Variants in DCP2 observed in about 807,000 individuals in gnomAD.
DCP2 encodes the protein m7GpppN-mRNA hydrolase.
In DCP2, 30 loss-of-function variants were observed where a neutral mutation model predicts 56.1. The ratio of observed to expected loss-of-function variants is 0.53; its 90% CI spans 0.40 to 0.73. DCP2 has a LOEUF of 0.73. DCP2 is among the 30% of genes least tolerant of loss of function. The pLI is 0.00. For synonymous variants in DCP2, 197 were observed against 163.3 expected (o/e 1.21, Z -1.57); for missense variants, 533 against 502.7 (o/e 1.06, Z -0.58).
intron 1 of DCP2, among the ~76,000 whole-genome samples, chr5:112,983,308 C>T (rs1158414517): frequency 6.6e-6 from 1 of 152,170 alleles, no homozygotes; most frequent in Non-Finnish European, 1.5e-5. Flanking sequence ...GGCAATATTA[C>T]GGTTGCCTCT....
intron 4 of DCP2, 54 bp downstream of exon 4, chr5:112,992,824 A>G: frequency 7.2e-7 from 1 of 1,397,772 alleles, no homozygotes; most frequent in Non-Finnish European, 9.6e-7. Context: ...GTCTGAATGT[A>G]TTTTTTTTAG....
intron 1 of DCP2, among the ~76,000 whole-genome samples, chr5:112,978,683 TAAAA>T (rs35646202): frequency 7.3e-6 from 1 of 136,654 alleles, no homozygotes; most frequent in Non-Finnish European, 1.6e-5. Context: ...TTGTCCCAAA[TAAAA>T]AAAAAAAAAG....
chr5:112,990,639 A>G (rs1410233494), intron 2 of DCP2, among the ~76,000 whole-genome samples: 1 of 151,994 alleles, frequency 6.6e-6, no homozygotes, highest in Non-Finnish European at 1.5e-5. Flanking sequence ...ACAGGGTCTT[A>G]CTATGTTGCC....
chr5:112,983,802 C>T (rs1430977272), intron 1 of DCP2, among the ~76,000 whole-genome samples: 1 of 152,108 alleles, frequency 6.6e-6, no homozygotes, highest in African/African-American at 2.4e-5. Context: ...TCGATCTTCT[C>T]AATATCAAAA....
At chr5:113,003,352 A>C (rs571090333) in intron 7 of DCP2, among the ~76,000 whole-genome samples, 6 of 152,300 alleles carry the variant, frequency 3.9e-5, no homozygotes, top group South Asian at 4.1e-4. Context: ...TTTATACTTT[A>C]GAGGGTAGCT....
chr5:112,981,501 A>G (rs1306132103), intron 1 of DCP2, among the ~76,000 whole-genome samples: 2 of 152,072 alleles, frequency 1.3e-5, no homozygotes, highest in Admixed American at 6.6e-5. Context: ...CGTCTGTTAT[A>G]TTTTGTGCTA....
Position 113,016,833 on chromosome 5 carries a change from C to G in DCP2, c.*3349C>G, listed in dbSNP as rs918448472. The G allele has an allele frequency of 7.2e-6, 1 of 139,542 alleles. No homozygotes were observed. The highest frequency in any genetic ancestry group is 2.2e-4 in the South Asian group (1 of 4,466). 8.6% of individuals were successfully genotyped at this position (139,542 alleles called of 1,614,324 possible). On this transcript the variant is annotated 3_prime_UTR_variant, in exon 11 of 11. Transcript: ENST00000389063. ...AAGTTAGTTTTCTTACCACAATACC[C>G]TCTTGGCTTTTTTTTTTTTTTTTTT... is the stretch of plus-strand genomic sequence containing the variant.
chr5:112,992,751 A>G lies in DCP2; in HGVS notation c.413A>G (p.His138Arg), dbSNP rs1748650812. The change falls in exon 4 of 11, where the codon CAT (histidine) becomes CGT (arginine). Residue 138 changes from histidine to arginine, a missense_variant. This residue lies in a region of DCP2 where 392 missense variants were observed against 346.6 expected (regional missense o/e 1.13). Transcript: ENST00000389063. ...KGKVNKEEAP[H>R]DCAAREVFEE... ...AAAGTAAATAAAGAAGAAGCTCCTC[A>G]TGATTGTGCTGCTAGAGAGGTAAGT... The G allele has an allele frequency of 1.3e-6, 2 of 1,585,202 alleles. No individual in the cohort carries two copies. The highest frequency in any genetic ancestry group is 1.7e-6 in the Non-Finnish European group (2 of 1,172,752).
rs374218482 is a variant in DCP2 at position 113,004,058 on chromosome 5, C to T, written c.923C>T (p.Ser308Phe). The T allele has an allele frequency of 6.2e-7, 1 of 1,613,806 alleles. No individual in the cohort carries two copies. Among genetic ancestry groups the T allele is most frequent in the Non-Finnish European group, 8.5e-7 (1 of 1,179,922 alleles). Reference protein sequence around the residue: ...QKPYNNHSEMSDLLKGKNQSM... With the variant: ...QKPYNNHSEMFDLLKGKNQSM... Reference sequence around the variant, plus strand: ...CCATATAATAATCATTCTGAAATGTCTGACCTTTTAAAAGGAAAGGTGAGT... The same window carrying T: ...CCATATAATAATCATTCTGAAATGTTTGACCTTTTAAAAGGAAAGGTGAGT... Residue 308 changes from serine (S) to phenylalanine (F), a missense_variant, in exon 8 of 11, where the codon TCT becomes TTT. This residue lies in a region of DCP2 where 392 missense variants were observed against 346.6 expected (regional missense o/e 1.13). Coordinates refer to ENST00000389063, the MANE Select transcript of DCP2 (RefSeq NM_152624.6).
At chr5:112,991,748 C>T (rs956296957) in intron 2 of DCP2, among the ~76,000 whole-genome samples, 10 of 152,070 alleles carry the variant, frequency 6.6e-5, no homozygotes, top group African/African-American at 1.9e-4. Flanking sequence ...AACTACCTGG[C>T]ATTATGAATT....
rs1438675830 is a variant in DCP2, at chr5:113,016,515, G to A, written c.*3031G>A. On this transcript the variant is annotated 3_prime_UTR_variant, in exon 11 of 11. Coordinates refer to ENST00000389063, the MANE Select transcript of DCP2 (RefSeq NM_152624.6). ...AGACATATAATGAAAGTAATTTTAT[G>A]CTGTAAGATTGAATTGGTACTTTTC... is the stretch of plus-strand genomic sequence containing the variant. 6.6e-6 allele frequency: 1 copy of A among 152,134 alleles called. No homozygotes were observed. Among genetic ancestry groups the A allele is most frequent in the Non-Finnish European group, 1.5e-5 (1 of 68,004 alleles). 9.4% of individuals were successfully genotyped at this position (152,134 alleles called of 1,614,324 possible). A position where few individuals can be genotyped will look rare whatever the true frequency, so the allele number is the denominator to read the frequency against.
chr5:112,992,900 A>ATT, intron 4 of DCP2, 130 bp downstream of exon 4: 2 of 435,790 alleles, frequency 4.6e-6, no homozygotes, highest in Non-Finnish European at 7.6e-6. Context: ...GAAGTAACTT[A>ATT]CTTTTTTTTT....
chr5:113,007,551 C>T lies in DCP2; in HGVS notation c.943-387C>T, dbSNP rs1051055949. On this transcript the variant is annotated intron_variant, in intron 8 of 10. Transcript: ENST00000389063. ...GAGTAGCTGGGACTATAGGCGTGTG[C>T]CACCATGCCCGGATAAGTTTTTGTA... 5.3e-5 allele frequency among the ~76,000 whole-genome samples: 8 copies of T among 152,074 alleles called. 1 individual carries two copies. Among genetic ancestry groups the T allele is most frequent in the Admixed American group, 4.6e-4 (7 of 15,266 alleles).
At position 113,019,564 on chromosome 5, in the gene DCP2, T is replaced by TA. The variant is rs1458093735; in HGVS notation, c.*6081dup. ...AAAGTTCTTTGGTCATATTTCACTT[T>TA]AGAGTTAGGACAGGAGACAGCTAAC... On this transcript the variant is annotated 3_prime_UTR_variant, in exon 11 of 11. Transcript: ENST00000389063. 8.5e-5 allele frequency: 13 copies of TA among 152,194 alleles called. No homozygotes were observed. The highest frequency in any genetic ancestry group is 8.5e-4 in the Admixed American group (13 of 15,282). The allele number at this position is 152,194 out of a possible 1,614,324, so 9.4% of individuals were successfully genotyped here.
chr5:112,984,703 A>AAAAAAAAATATATATATATATATAT, intron 1 of DCP2: 1 of 64,858 alleles, frequency 1.5e-5, no homozygotes, highest in African/African-American at 7.9e-5. Flanking sequence ...AAAAAAAAAA[A>AAAAAAAAATATATATATATATATAT]ATATATATAT....
intron 2 of DCP2, 29 bp downstream of exon 2, chr5:112,986,015 C>A: frequency 6.7e-7 from 1 of 1,487,254 alleles, no homozygotes; most frequent in Non-Finnish European, 9.1e-7. Context: ...TAATGACTGA[C>A]TTTCTTGTTA....
At position 113,021,235 on chromosome 5, in the gene DCP2, T is replaced by C. The variant is rs755322253; in HGVS notation, c.*7751T>C. 1.3e-5 allele frequency among the ~76,000 whole-genome samples: 2 copies of C among 151,642 alleles called. No individual in the cohort carries two copies. Among genetic ancestry groups the C allele is most frequent in the Non-Finnish European group, 2.9e-5 (2 of 67,896 alleles). On this transcript the variant is annotated 3_prime_UTR_variant, in exon 11 of 11. Coordinates refer to ENST00000389063, the MANE Select transcript of DCP2 (RefSeq NM_152624.6). ...TTCAAAAATTAGCTGGGCGTGGTGG[T>C]GCGTGTCTGTAGTCCCAGCTACTTG...
chr5:112,981,522 G>T (rs1748002886), intron 1 of DCP2, among the ~76,000 whole-genome samples: 1 of 152,014 alleles, frequency 6.6e-6, no homozygotes. Flanking sequence ...TTTGTTGATT[G>T]TAAAAGCTGA....
intron 3 of DCP2, 58 bp from the exon 4 acceptor site, chr5:112,992,614 T>A (rs1418659157): frequency 8.0e-7 from 1 of 1,253,234 alleles, no homozygotes; most frequent in African/African-American, 1.6e-5. Flanking sequence ...CTTTGATTTT[T>A]AGAAAGGAGC....
Sources: allele counts gnomAD v4.1 joint callset (sites outside exome capture counted in the v4.1 genomes callset), GRCh38; gene constraint gnomAD v4.1.1; regional missense constraint gnomAD v4.1.1; transcripts MANE v1.5; gene names NCBI Gene and HGNC (gene_info 2026-07-23, HGNC 2026-07-21).